Variants in EFHC2 observed in about 807,000 individuals in gnomAD.
The protein encoded by EFHC2 is EF-hand domain containing 2, also known as EF-hand domain-containing family member C2.
In EFHC2, 18 loss-of-function variants were observed where a neutral mutation model predicts 52.7. The ratio of observed to expected loss-of-function variants is 0.34; its 90% CI spans 0.24 to 0.51. The LOEUF (loss-of-function observed/expected upper bound fraction) is 0.51. Ranked by LOEUF, EFHC2 falls within the 20% of genes least tolerant of loss-of-function variation. EFHC2 has a pLI of 0.97. For missense variants in EFHC2, 513 were observed against 562.5 expected (o/e 0.91, Z 0.89); for synonymous variants, 203 against 204.1 (o/e 0.99, Z 0.04).
At chrX:44,245,795 T>C (rs2037395898) in intron 7 of EFHC2, among the ~76,000 whole-genome samples, 1 of 112,101 alleles carries the variant, frequency 8.9e-6, no homozygotes, top group Non-Finnish European at 1.9e-5. Context: ...CTTGGGACTG[T>C]GGCCAACTCC....
intron 1 of EFHC2, among the ~76,000 whole-genome samples, chrX:44,315,662 G>A (rs375293579): frequency 1.4e-4 from 15 of 110,409 alleles, no homozygotes; most frequent in African/African-American, 4.3e-4. Context: ...ATACACTGAT[G>A]TGCTGGAGTA....
chrX:44,224,473 G>T (rs908431998), intron 11 of EFHC2, among the ~76,000 whole-genome samples: 1 of 112,160 alleles, frequency 8.9e-6, no homozygotes, highest in Non-Finnish European at 1.9e-5. Flanking sequence ...ATCTGGGTTT[G>T]CCAACTCCAA....
intron 2 of EFHC2, among the ~76,000 whole-genome samples, chrX:44,291,943 G>A (rs376973312): frequency 9.0e-6 from 1 of 111,658 alleles, no homozygotes; most frequent in African/African-American, 3.3e-5. Flanking sequence ...ACTAAGAGAA[G>A]AGATTCCAAA....
chrX:44,273,353 C>T (rs1352149686), intron 2 of EFHC2, among the ~76,000 whole-genome samples: 1 of 111,926 alleles, frequency 8.9e-6, no homozygotes, highest in Non-Finnish European at 1.9e-5. Context: ...CCTTACACTT[C>T]GGGAACCTCA....
chrX:44,195,941 G>T (rs2036962485), intron 11 of EFHC2, among the ~76,000 whole-genome samples: 1 of 111,482 alleles, frequency 9.0e-6, no homozygotes, highest in African/African-American at 3.3e-5. Flanking sequence ...TTGAGACAGG[G>T]TCTCACTCTG....
At chrX:44,253,277 T>G (rs1288439607) in intron 4 of EFHC2, among the ~76,000 whole-genome samples, 1 of 107,531 alleles carries the variant, frequency 9.3e-6, no homozygotes, top group Non-Finnish European at 1.9e-5. Flanking sequence ...GGAACACCAG[T>G]GAGACAGAAC....
chrX:44,318,963 C>T (rs2147387239), intron 1 of EFHC2, among the ~76,000 whole-genome samples: 1 of 106,985 alleles, frequency 9.3e-6, no homozygotes, highest in South Asian at 4.1e-4. Flanking sequence ...TAACAGTGGG[C>T]AGGGTGGGTT....
At chrX:44,343,400 G>A (rs1383117500) in intron 1 of EFHC2, 147 bp downstream of exon 1, 30 of 590,583 alleles carry the variant, frequency 5.1e-5, no homozygotes, top group Non-Finnish European at 8.0e-5. Context: ...GGGAGAAGCA[G>A]CCTATAAAGT....
chrX:44,221,423 C>T (rs984617177), intron 11 of EFHC2, among the ~76,000 whole-genome samples: 167 of 111,866 alleles, frequency 1.5e-3, no homozygotes, highest in African/African-American at 5.2e-3. Context: ...AAATGTTCTC[C>T]ATACTTATAC....
chrX:44,260,113 C>T (rs1384224928), intron 4 of EFHC2, among the ~76,000 whole-genome samples: 1 of 111,230 alleles, frequency 9.0e-6, no homozygotes, highest in Admixed American at 9.6e-5. Flanking sequence ...CAGCAGTTGT[C>T]TGTGGTGGGG....
At chrX:44,287,093 G>A (rs1442794441) in intron 2 of EFHC2, among the ~76,000 whole-genome samples, 1 of 97,286 alleles carries the variant, frequency 1.0e-5, no homozygotes, top group Non-Finnish European at 2.0e-5. Context: ...AGTGGCTCAC[G>A]CCTGTAATCC....
intron 1 of EFHC2, among the ~76,000 whole-genome samples, chrX:44,321,800 T>C (rs765207061): frequency 7.1e-5 from 8 of 111,909 alleles, no homozygotes; most frequent in Non-Finnish European, 1.5e-4. Context: ...AGAAATAGCT[T>C]GTGAACCATA....
At chrX:44,266,033 C>T (rs1472427321) in intron 3 of EFHC2, among the ~76,000 whole-genome samples, 1 of 111,737 alleles carries the variant, frequency 8.9e-6, no homozygotes, top group African/African-American at 3.3e-5. Context: ...CTTGCATGAC[C>T]ACCTTCTTGC....
chrX:44,212,619 G>A (rs770711212), intron 11 of EFHC2, among the ~76,000 whole-genome samples: 1 of 111,417 alleles, frequency 9.0e-6, no homozygotes, highest in South Asian at 3.8e-4. Flanking sequence ...AAAAGACTGA[G>A]ACCTAATCAG....
At position 44,206,120 on chromosome X, in the gene EFHC2, T is replaced by C. The variant is rs1469473624; in HGVS notation, c.1751+23529A>G. The stretch of plus-strand genomic sequence containing the variant: ...GGAAACTAAACAACTTGCTCCTGAA[T>C]GACTTTTAGGTAAACAATGAAATTA... On this transcript the variant is annotated intron_variant, in intron 11 of 14. Coordinates refer to ENST00000420999, the MANE Select transcript of EFHC2 (RefSeq NM_025184.4). 8.0e-5 allele frequency among the ~76,000 whole-genome samples: 9 copies of C among 112,170 alleles called. No homozygotes were observed. In the Admixed American group the frequency reaches 8.5e-4, roughly 11 times the overall value.
At chrX:44,209,019 CTG>C (rs753101565) in intron 11 of EFHC2, among the ~76,000 whole-genome samples, 1,506 of 69,749 alleles carry the variant, frequency 0.022, 30 homozygotes, top group South Asian at 0.029. Context: ...GATTGGCAAT[CTG>C]TGTGTGTGTG....
At chrX:44,212,785 C>T (rs1429186582) in intron 11 of EFHC2, among the ~76,000 whole-genome samples, 2 of 111,117 alleles carry the variant, frequency 1.8e-5, no homozygotes, top group Non-Finnish European at 3.8e-5. Context: ...GACCTAGGCT[C>T]ACTACAACCT....
chrX:44,192,233 GA>G (rs2036927168), intron 11 of EFHC2, among the ~76,000 whole-genome samples: 1 of 111,295 alleles, frequency 9.0e-6, no homozygotes, highest in Non-Finnish European at 1.9e-5. Context: ...ATTTACTAAA[GA>G]AACTAGATAT....
Position 44,163,979 on chromosome X carries a change from G to T in EFHC2, c.2091C>A (p.Ala697=). The T allele has an allele frequency of 8.6e-7, 1 of 1,164,631 alleles. No individual in the cohort carries two copies. Among genetic ancestry groups the T allele is most frequent in the Non-Finnish European group, 1.1e-6 (1 of 871,003 alleles). The change falls in exon 14 of 15, where the codon GCC becomes GCA. Residue 697 remains alanine (A), a synonymous_variant. Transcript: ENST00000420999. ...GCACTGGATTCTTTCTCCAGTTCAG[G>T]GCAGAGAAAAATGACTTATAATCTA... ...KQIDYKSFFS[A]LNWRKNPVPE...
Sources: gnomAD v4.1 joint callset for allele counts (sites outside exome capture counted in the v4.1 genomes callset) on GRCh38, gnomAD v4.1.1 for gene constraint, MANE v1.5 for transcripts, NCBI Gene and HGNC (gene_info 2026-07-23, HGNC 2026-07-21) for gene names.